Variants in CFAP96 observed in about 807,000 individuals in gnomAD.
The protein encoded by CFAP96 is cilia-and flagella-associated protein 96.
the CFAP96 span, among the ~76,000 whole-genome samples, chr4:185,411,634 A>G: frequency 1.3e-5 from 2 of 152,212 alleles, no homozygotes; most frequent in Non-Finnish European, 2.9e-5. Flanking sequence ...GGTAAATAAT[A>G]TATCTATAAT....
the CFAP96 span, among the ~76,000 whole-genome samples, chr4:185,437,898 A>C: frequency 7.2e-4 from 109 of 152,252 alleles, 1 homozygote; most frequent in African/African-American, 2.6e-3. Flanking sequence ...TAGTATTTAA[A>C]AAAGGTTACT....
the CFAP96 span, among the ~76,000 whole-genome samples, chr4:185,447,239 T>C: frequency 6.6e-6 from 1 of 151,948 alleles, no homozygotes; most frequent in East Asian, 1.9e-4. Flanking sequence ...TGGAATGCAG[T>C]GGCACGATCT....
the CFAP96 span, among the ~76,000 whole-genome samples, chr4:185,418,169 T>C: frequency 6.6e-6 from 1 of 152,174 alleles, no homozygotes; most frequent in African/African-American, 2.4e-5. Context: ...TGCGATTTAA[T>C]TTAAGTAATT....
chr4:185,443,291 T>A, the CFAP96 span, among the ~76,000 whole-genome samples: 1 of 145,520 alleles, frequency 6.9e-6, no homozygotes, highest in East Asian at 2.0e-4. Context: ...ATTCAGGTTT[T>A]TGGGGTTTAC....
chr4:185,425,937 GTGT>G, the CFAP96 span: 2 of 1,555,662 alleles, frequency 1.3e-6, no homozygotes, highest in Non-Finnish European at 1.7e-6. Flanking sequence ...CCCTGAAGTG[GTGT>G]CACCGCACGG....
chr4:185,410,446 C>T, the CFAP96 span, among the ~76,000 whole-genome samples: 8 of 150,846 alleles, frequency 5.3e-5, no homozygotes, highest in South Asian at 1.3e-3. Context: ...GTCAGGAGTT[C>T]GAGACCAGCC....
chr4:185,449,499 G>C, the CFAP96 span: 1 of 738,390 alleles, frequency 1.4e-6, no homozygotes, highest in Non-Finnish European at 2.2e-6. Context: ...CTCCAGCCTG[G>C]GCAACAGAGC....
the CFAP96 span, among the ~76,000 whole-genome samples, chr4:185,437,861 T>C: frequency 1.3e-5 from 2 of 152,180 alleles, no homozygotes; most frequent in Non-Finnish European, 2.9e-5. Flanking sequence ...AAAAGTAATT[T>C]TGAAAAATTT....
chr4:185,423,800 A>T, the CFAP96 span, among the ~76,000 whole-genome samples: 4 of 152,196 alleles, frequency 2.6e-5, no homozygotes, highest in African/African-American at 9.6e-5. Context: ...TCATACATAT[A>T]TACATACATA....
At chr4:185,427,113 C>G in the CFAP96 span, among the ~76,000 whole-genome samples, 2 of 151,898 alleles carry the variant, frequency 1.3e-5, no homozygotes, top group East Asian at 3.9e-4. Context: ...TGGGAAAGTT[C>G]TAGGCAAGAA....
chr4:185,445,192 C>T, the CFAP96 span: 28 of 1,334,522 alleles, frequency 2.1e-5, no homozygotes, highest in Non-Finnish European at 2.7e-5. Context: ...TTTTATACTT[C>T]TTCAAAATAG....
chr4:185,418,164 T>C, the CFAP96 span, among the ~76,000 whole-genome samples: 1,511 of 152,222 alleles, frequency 9.9e-3, 35 homozygotes, highest in African/African-American at 0.035. Context: ...CAGAATGCGA[T>C]TTAATTTAAG....
At chr4:185,435,934 A>C in the CFAP96 span, 2 of 778,580 alleles carry the variant, frequency 2.6e-6, no homozygotes, top group Non-Finnish European at 1.9e-6. Flanking sequence ...ATTAGATTAA[A>C]ACTAGCATTT....
chr4:185,448,774 T>G, the CFAP96 span, among the ~76,000 whole-genome samples: 11 of 152,138 alleles, frequency 7.2e-5, no homozygotes, highest in Admixed American at 2.6e-4. Flanking sequence ...AGATGGAACT[T>G]TGTGTGTGGG....
At chr4:185,443,915 A>ATCTT in the CFAP96 span, among the ~76,000 whole-genome samples, 735 of 122,574 alleles carry the variant, frequency 6.0e-3, 11 homozygotes, top group African/African-American at 0.022. Context: ...TTATAACTAT[A>ATCTT]TCTTTCTTTT....
chr4:185,449,573 G>A, the CFAP96 span: 49,078 of 1,457,610 alleles, frequency 0.034, 995 homozygotes, highest in Middle Eastern at 0.075. Context: ...TAAAATTAAT[G>A]TGTGTTTATT....
the CFAP96 span, among the ~76,000 whole-genome samples, chr4:185,428,876 G>T: frequency 1.3e-5 from 2 of 151,686 alleles, no homozygotes; most frequent in Non-Finnish European, 2.9e-5. Context: ...ACCTCAATGT[G>T]TTGTACATCC....
chr4:185,430,010 A>C, the CFAP96 span, among the ~76,000 whole-genome samples: 1 of 152,196 alleles, frequency 6.6e-6, no homozygotes, highest in Admixed American at 6.5e-5. Context: ...TCGTTTTATT[A>C]GGGTATTCTA....
At chr4:185,419,710 A>G in the CFAP96 span, among the ~76,000 whole-genome samples, 1 of 152,216 alleles carries the variant, frequency 6.6e-6, no homozygotes, top group African/African-American at 2.4e-5. Context: ...TCTTTCACTT[A>G]GCTTAATGTT....
Sources: gnomAD v4.1 joint callset for allele counts (sites outside exome capture counted in the v4.1 genomes callset) on GRCh38, gnomAD v4.1.1 for gene constraint, MANE v1.5 for transcripts, NCBI Gene and HGNC (gene_info 2026-07-23, HGNC 2026-07-21) for gene names.